RFPL1: variants seen among roughly 807,000 people sequenced by gnomAD.
The protein encoded by RFPL1 is ret finger protein like 1.
A neutral mutation model predicts 9.6 loss-of-function variants in RFPL1; 6 were observed. The observed-to-expected ratio is 0.62, with a 90% CI of 0.34 to 1.23. The LOEUF (loss-of-function observed/expected upper bound fraction) is 1.23. Ranked by LOEUF, RFPL1 falls within the 50% of genes most tolerant of loss-of-function variation. The pLI is 0.03. For missense variants in RFPL1, 352 were observed against 398.4 expected, an observed-to-expected ratio of 0.88 and a Z score of 0.99; for synonymous variants, 145 against 149.4, an observed-to-expected ratio of 0.97 and a Z score of 0.22.
chr22:29,415,698 C>T, the RFPL1 span, among the ~76,000 whole-genome samples: 2 of 152,262 alleles, frequency 1.3e-5, no homozygotes, highest in East Asian at 1.9e-4. Context: ...GTCTCAAGAA[C>T]AGAACTAAGC....
the RFPL1 span, among the ~76,000 whole-genome samples, chr22:29,406,952 A>G: frequency 6.6e-6 from 1 of 152,234 alleles, no homozygotes; most frequent in Non-Finnish European, 1.5e-5. Context: ...TCCATATTAG[A>G]GAAACTCAGT....
chr22:29,417,335 A>G, the RFPL1 span, among the ~76,000 whole-genome samples: 6 of 151,916 alleles, frequency 3.9e-5, no homozygotes, highest in African/African-American at 9.7e-5. Context: ...TCCAGCAGGT[A>G]CCTGTTCCCT....
chr22:29,435,652 G>A (rs1391808857), upstream of RFPL1, among the ~76,000 whole-genome samples: 3 of 152,130 alleles, frequency 2.0e-5, no homozygotes, highest in Admixed American at 6.6e-5. Context: ...ATCCCAAGGA[G>A]TGATCTCATC....
chr22:29,436,164 A>C (rs12484616), upstream of RFPL1, among the ~76,000 whole-genome samples: 1 of 151,602 alleles, frequency 6.6e-6, no homozygotes, highest in Non-Finnish European at 1.5e-5. Flanking sequence ...GCTTGGGGAG[A>C]GGTCGGTAAT....
the RFPL1 span, among the ~76,000 whole-genome samples, chr22:29,422,454 T>A: frequency 6.6e-6 from 1 of 152,166 alleles, no homozygotes; most frequent in Non-Finnish European, 1.5e-5. Flanking sequence ...GGTGCATGCC[T>A]GTAATCCCAT....
chr22:29,418,906 T>C, the RFPL1 span, among the ~76,000 whole-genome samples: 58 of 152,292 alleles, frequency 3.8e-4, no homozygotes, highest in African/African-American at 1.2e-3. Flanking sequence ...CCACACCCAC[T>C]CCATCACCTG....
At chr22:29,392,937 A>G in the RFPL1 span, among the ~76,000 whole-genome samples, 3 of 152,156 alleles carry the variant, frequency 2.0e-5, no homozygotes, top group African/African-American at 7.2e-5. Context: ...TATAATCATC[A>G]CTGCCATCTG....
At chr22:29,433,972 G>A (rs2146362885), upstream of RFPL1, among the ~76,000 whole-genome samples, 1 of 151,888 alleles carries the variant, frequency 6.6e-6, no homozygotes, top group South Asian at 2.1e-4. Context: ...GGACTAGGCT[G>A]GTTGAGAATC....
At chr22:29,420,176 G>C in the RFPL1 span, among the ~76,000 whole-genome samples, 1 of 152,216 alleles carries the variant, frequency 6.6e-6, no homozygotes, top group Non-Finnish European at 1.5e-5. Flanking sequence ...TGGGAATTCA[G>C]CTGCTCCATG....
the RFPL1 span, among the ~76,000 whole-genome samples, chr22:29,431,532 G>A: frequency 6.6e-6 from 1 of 152,166 alleles, no homozygotes; most frequent in African/African-American, 2.4e-5. Context: ...GGGGATAGGG[G>A]TGTTGGAGGG....
the RFPL1 span, chr22:29,419,112 T>A: frequency 6.3e-6 from 9 of 1,418,680 alleles, no homozygotes; most frequent in South Asian, 1.0e-4. Flanking sequence ...AACCCTCCCC[T>A]GTCAGCCAGC....
the RFPL1 span, among the ~76,000 whole-genome samples, chr22:29,410,942 C>T: frequency 6.6e-6 from 1 of 152,108 alleles, no homozygotes; most frequent in Non-Finnish European, 1.5e-5. Context: ...CCTCATGGAG[C>T]CTGCTGTTCT....
chr22:29,432,338 C>T, the RFPL1 span, among the ~76,000 whole-genome samples: 1 of 152,194 alleles, frequency 6.6e-6, no homozygotes, highest in African/African-American at 2.4e-5. Flanking sequence ...GAGCCCCCCT[C>T]CTATCACCCT....
At chr22:29,406,792 C>G in the RFPL1 span, among the ~76,000 whole-genome samples, 6 of 152,344 alleles carry the variant, frequency 3.9e-5, no homozygotes, top group East Asian at 1.2e-3. Context: ...GAAGTCTGCT[C>G]TACCTTGCAG....
the RFPL1 span, among the ~76,000 whole-genome samples, chr22:29,432,077 G>A: frequency 4.6e-5 from 7 of 152,114 alleles, no homozygotes; most frequent in Non-Finnish European, 1.0e-4. Context: ...GGTGTGATAC[G>A]CTAACTTACA....
upstream of RFPL1, among the ~76,000 whole-genome samples, chr22:29,434,001 TCA>T (rs3216870): frequency 1.6e-4 from 24 of 148,796 alleles, no homozygotes; most frequent in South Asian, 2.1e-4. Flanking sequence ...TGACACACAC[TCA>T]CACACACACA....
chr22:29,393,368 G>A, the RFPL1 span, among the ~76,000 whole-genome samples: 1 of 152,182 alleles, frequency 6.6e-6, no homozygotes, highest in East Asian at 1.9e-4. Flanking sequence ...GCATGATCTG[G>A]CAGGAGAGCT....
the RFPL1 span, among the ~76,000 whole-genome samples, chr22:29,418,217 C>T: frequency 2.0e-5 from 3 of 151,558 alleles, no homozygotes; most frequent in East Asian, 2.0e-4. Flanking sequence ...TGTGAGCCAC[C>T]GCACCCAGCC....
At chr22:29,408,116 G>A in the RFPL1 span, among the ~76,000 whole-genome samples, 3 of 152,210 alleles carry the variant, frequency 2.0e-5, no homozygotes, top group Admixed American at 2.0e-4. Flanking sequence ...CAGGGTAGAT[G>A]ATCAATGTAG....
Sources: gnomAD v4.1 joint callset for allele counts (sites outside exome capture counted in the v4.1 genomes callset) on GRCh38, gnomAD v4.1.1 for gene constraint, MANE v1.5 for transcripts, NCBI Gene and HGNC (gene_info 2026-07-23, HGNC 2026-07-21) for gene names.